UST: variants seen among roughly 807,000 people sequenced by gnomAD.
The protein encoded by UST is uronyl 2-sulfotransferase, also known as chondroitin sulfate 2-O-sulfotransferase.
Under a neutral mutation model 45.6 loss-of-function variants are expected in UST, and 21 were observed. The observed-to-expected ratio is 0.46, with a 90% CI of 0.33 to 0.66. The LOEUF (loss-of-function observed/expected upper bound fraction) is 0.66, where lower values mean the gene tolerates loss of function less well. UST is among the 30% of genes least tolerant of loss of function. The pLI is 0.02. For synonymous variants in UST, 215 were observed against 200.6 expected (o/e 1.07, Z -0.61); for missense variants, 463 against 512.4 (o/e 0.90, Z 0.93).
intron 2 of UST, among the ~76,000 whole-genome samples, chr6:148,891,783 A>T (rs1779023202): frequency 1.3e-5 from 2 of 152,254 alleles, no homozygotes; most frequent in Admixed American, 1.3e-4. Context: ...CCAGAAAAAA[A>T]TAGTCATCAC....
intron 7 of UST, among the ~76,000 whole-genome samples, chr6:149,040,537 C>A (rs900861977): frequency 6.6e-6 from 1 of 152,114 alleles, no homozygotes; most frequent in Non-Finnish European, 1.5e-5. Flanking sequence ...TGCCTGTAAT[C>A]CCAGCTACTC....
chr6:148,863,810 A>G (rs1353111030), intron 1 of UST, among the ~76,000 whole-genome samples: 1 of 152,222 alleles, frequency 6.6e-6, no homozygotes, highest in Non-Finnish European at 1.5e-5. Flanking sequence ...CGGAGGCTGC[A>G]GAACAGCAAA....
chr6:148,983,997 T>C lies in UST; in HGVS notation c.681+19434T>C, dbSNP rs182399109. On this transcript the variant is annotated intron_variant, in intron 5 of 7. Transcript: ENST00000367463. The stretch of plus-strand genomic sequence containing the variant: ...TTTTTTTAAAAAATTAAACTGTTCT[T>C]CCTGGGTTTTTTCCTTTAACTATAA... Among the ~76,000 whole-genome samples the C allele has an allele frequency of 2.0e-5, 3 of 152,362 alleles. No individual in the cohort carries two copies. The East Asian group carries it at 5.8e-4, about 29-fold the overall frequency.
intron 5 of UST, among the ~76,000 whole-genome samples, chr6:148,965,930 T>C (rs1325452691): frequency 6.6e-6 from 1 of 151,162 alleles, no homozygotes; most frequent in African/African-American, 2.4e-5. Flanking sequence ...TCTATTTCTT[T>C]ATAGGTTATG....
intron 1 of UST, among the ~76,000 whole-genome samples, chr6:148,785,200 TAA>T (rs201558073): frequency 2.5e-4 from 32 of 127,930 alleles, no homozygotes; most frequent in Admixed American, 4.8e-4. Flanking sequence ...GACTCCATCT[TAA>T]AAAAAAAAAA....
chr6:148,897,207 G>T (rs1446768241), intron 2 of UST, among the ~76,000 whole-genome samples: 1 of 151,906 alleles, frequency 6.6e-6, no homozygotes, highest in Non-Finnish European at 1.5e-5. Context: ...TCACACTGTC[G>T]TCCAGGCTGG....
At chr6:149,037,481 G>T (rs1776254666) in intron 7 of UST, among the ~76,000 whole-genome samples, 1 of 152,228 alleles carries the variant, frequency 6.6e-6, no homozygotes, top group South Asian at 2.1e-4. Context: ...GGGGGAGGGG[G>T]TTTTCCCCAG....
At chr6:148,949,150 G>A (rs944924326) in intron 3 of UST, among the ~76,000 whole-genome samples, 5 of 152,006 alleles carry the variant, frequency 3.3e-5, no homozygotes, top group Admixed American at 6.6e-5. Flanking sequence ...AATTAGCTGG[G>A]CGTGGTGGCA....
At chr6:148,874,155 T>C (rs1778608257) in intron 1 of UST, among the ~76,000 whole-genome samples, 1 of 152,238 alleles carries the variant, frequency 6.6e-6, no homozygotes, top group Non-Finnish European at 1.5e-5. Context: ...TGATTCCATC[T>C]CTCTTTGATA....
chr6:148,893,546 T>A (rs1011518257), intron 2 of UST, among the ~76,000 whole-genome samples: 29 of 152,232 alleles, frequency 1.9e-4, no homozygotes, highest in African/African-American at 7.0e-4. Flanking sequence ...CATGCTTCTG[T>A]GACTGATAGA....
chr6:148,827,337 C>A (rs908081213), intron 1 of UST, among the ~76,000 whole-genome samples: 4 of 152,026 alleles, frequency 2.6e-5, no homozygotes, highest in African/African-American at 9.7e-5. Context: ...AAAGAAGAGT[C>A]TGGGGCCGGC....
At chr6:149,033,959 C>T (rs149336350) in intron 7 of UST, among the ~76,000 whole-genome samples, 198 of 152,260 alleles carry the variant, frequency 1.3e-3, no homozygotes, top group Non-Finnish European at 1.9e-3. Context: ...GATGTTTCTT[C>T]GGATAATCAC....
In UST at chr6:148,926,653, A is replaced by G. The variant is rs11961921; in HGVS notation, c.292-14626A>G. ...AAGTCAAGGCAGAGGACTGAAAAAC[A>G]ATGCCAGAGGAATCTGTCTGTCATT... On this transcript the variant is annotated intron_variant, in intron 2 of 7. Coordinates refer to ENST00000367463, the MANE Select transcript of UST (RefSeq NM_005715.3). Among the ~76,000 whole-genome samples the G allele has an allele frequency of 3.9e-3, 594 of 152,320 alleles. 3 individuals carry two copies. Among genetic ancestry groups the G allele is most frequent in the African/African-American group, 0.014 (570 of 41,572 alleles).
intron 1 of UST, among the ~76,000 whole-genome samples, chr6:148,816,563 TAAAAG>T (rs1465079110): frequency 6.6e-6 from 1 of 152,166 alleles, no homozygotes; most frequent in Non-Finnish European, 1.5e-5. Context: ...TGGTTCCTAT[TAAAAG>T]AAAAGTTTTC....
chr6:148,783,903 G>A (rs1249165828), intron 1 of UST, among the ~76,000 whole-genome samples: 1 of 152,132 alleles, frequency 6.6e-6, no homozygotes, highest in African/African-American at 2.4e-5. Context: ...TTTTACAGGT[G>A]AAGATGATGA....
intron 5 of UST, among the ~76,000 whole-genome samples, chr6:149,006,087 A>G (rs6911677): frequency 0.22 from 33,643 of 152,112 alleles, 3,770 homozygotes; most frequent in Non-Finnish European, 0.24. Flanking sequence ...ACCATATTTT[A>G]TGAATTTTAT....
chr6:148,888,840 T>C (rs1778958767), intron 2 of UST, among the ~76,000 whole-genome samples: 2 of 152,152 alleles, frequency 1.3e-5, no homozygotes, highest in Admixed American at 1.3e-4. Flanking sequence ...AAAAATAGCC[T>C]CTATTCTAGA....
At chr6:148,847,441 T>C (rs954236694) in intron 1 of UST, among the ~76,000 whole-genome samples, 1 of 152,238 alleles carries the variant, frequency 6.6e-6, no homozygotes, top group Admixed American at 6.5e-5. Flanking sequence ...CTGTTATAAA[T>C]TTGTGTAATA....
intron 3 of UST, among the ~76,000 whole-genome samples, chr6:148,949,263 C>G (rs1780310986): frequency 6.6e-6 from 1 of 150,690 alleles, no homozygotes; most frequent in South Asian, 2.1e-4. Context: ...TGCACTCCAG[C>G]CTGGGCAGCA....
Sources: allele counts gnomAD v4.1 joint callset (sites outside exome capture counted in the v4.1 genomes callset), GRCh38; gene constraint gnomAD v4.1.1; transcripts MANE v1.5; gene names NCBI Gene and HGNC (gene_info 2026-07-23, HGNC 2026-07-21).